The following CHL1 variants were observed in gnomAD, a reference collection of about 807,000 sequenced individuals.
CHL1 encodes the protein cell adhesion molecule L1 like.
In CHL1, 96 loss-of-function variants were observed where a neutral mutation model predicts 141.9. That is an observed-to-expected ratio of 0.68 (90% CI 0.57 to 0.80). The LOEUF (loss-of-function observed/expected upper bound fraction) is 0.80. Ranked by LOEUF, CHL1 falls within the 30% of genes least tolerant of loss-of-function variation. CHL1 has a pLI of 0.00. For synonymous variants in CHL1, 613 were observed against 502.2 expected (o/e 1.22, Z -2.95); for missense variants, 1,820 against 1,457.2 (o/e 1.25, Z -4.05).
chr3:308,966 C>G (rs1006945547), intron 2 of CHL1: 7 of 153,770 alleles, frequency 4.6e-5, no homozygotes, highest in African/African-American at 1.4e-4. Context: ...GCTGGGCCCC[C>G]TTCTTGTGGC....
rs149354869 is a variant in CHL1, at chr3:265,621, T to G, written c.-95+20929T>G. On this transcript the variant is annotated intron_variant, in intron 2 of 27. Coordinates refer to ENST00000256509, the MANE Select transcript of CHL1 (RefSeq NM_006614.4). ...AAGGGGTAGGACTGCACCTGAAATG[T>G]TACTAGAATTCTATTCAATGATCTG... Among the ~76,000 whole-genome samples, 46 of 152,298 alleles carry G rather than the reference T, an allele frequency of 3.0e-4. No homozygotes were observed. The East Asian group carries it at 8.9e-3, about 29-fold the overall frequency.
chr3:216,582 T>C (rs1034655872), intron 1 of CHL1, among the ~76,000 whole-genome samples: 3 of 152,224 alleles, frequency 2.0e-5, no homozygotes, highest in African/African-American at 7.2e-5. Flanking sequence ...TTGTGTGAGA[T>C]GTGGCTTTAC....
At chr3:217,650 A>G (rs1700443193) in intron 1 of CHL1, 1 of 152,552 alleles carries the variant, frequency 6.6e-6, no homozygotes, top group African/African-American at 2.4e-5. Context: ...GAATGGACAG[A>G]AGGCTAGAAC....
At chr3:342,169 G>A (rs999688517) in intron 7 of CHL1, 87 bp downstream of exon 7, 1 of 1,269,508 alleles carries the variant, frequency 7.9e-7, no homozygotes, top group Admixed American at 2.2e-5. Flanking sequence ...ATTTAAAGCT[G>A]GGTTGATATT....
At chr3:276,238 C>G (rs986498774) in intron 2 of CHL1, among the ~76,000 whole-genome samples, 1 of 151,904 alleles carries the variant, frequency 6.6e-6, no homozygotes, top group Non-Finnish European at 1.5e-5. Context: ...TATATTGCAC[C>G]ACCAATCATA....
At chr3:208,477 G>A (rs1246004140) in intron 1 of CHL1, among the ~76,000 whole-genome samples, 2 of 147,692 alleles carry the variant, frequency 1.4e-5, no homozygotes, top group Non-Finnish European at 2.9e-5. Context: ...TGATTGTCTC[G>A]GCAGAAAGCT....
chr3:328,396 T>G (rs779626786), intron 5 of CHL1, 42 bp downstream of exon 5: 12 of 1,515,836 alleles, frequency 7.9e-6, no homozygotes, highest in South Asian at 2.5e-5. Context: ...AGTGTTTTAG[T>G]GAAGTGTTAA....
intron 11 of CHL1, among the ~76,000 whole-genome samples, chr3:357,993 A>G (rs1365881834): frequency 6.6e-6 from 1 of 152,204 alleles, no homozygotes; most frequent in African/African-American, 2.4e-5. Flanking sequence ...AACTTGGAAG[A>G]GCTACTCATC....
intron 2 of CHL1, among the ~76,000 whole-genome samples, chr3:298,135 T>C (rs1441102421): frequency 6.6e-6 from 1 of 152,220 alleles, no homozygotes; most frequent in African/African-American, 2.4e-5. Context: ...AACATATGAA[T>C]GTGGGTATAT....
At chr3:391,575 A>G (rs1708229394) in intron 22 of CHL1, 100 bp from the exon 23 acceptor site, 3 of 761,056 alleles carry the variant, frequency 3.9e-6, no homozygotes, top group South Asian at 3.4e-5. Flanking sequence ...TTTACTTCAG[A>G]TGAGTTTGCT....
chr3:212,216 G>T (rs533542509), intron 1 of CHL1, among the ~76,000 whole-genome samples: 3 of 152,154 alleles, frequency 2.0e-5, no homozygotes, highest in South Asian at 4.2e-4. Context: ...AAAAAAACTT[G>T]TTGGGGGTTC....
rs935806802 is a variant in CHL1, at chr3:407,169, A to AT, written c.*1465dup. 1 of 152,092 alleles carries AT rather than the reference A, an allele frequency of 6.6e-6. No homozygotes were observed. The highest frequency in any genetic ancestry group is 2.4e-5 in the African/African-American group (1 of 41,442). 9.4% of individuals were successfully genotyped at this position (152,092 alleles called of 1,614,324 possible). ...TCAGCGCTCGACATTTTATGGAAAG[A>AT]TTTTTTTAACCTTACCACGAAATAC... On this transcript the variant is annotated 3_prime_UTR_variant, in exon 28 of 28. Coordinates refer to ENST00000256509, the MANE Select transcript of CHL1 (RefSeq NM_006614.4).
At chr3:292,420 T>C (rs1697773625) in intron 2 of CHL1, among the ~76,000 whole-genome samples, 1 of 152,186 alleles carries the variant, frequency 6.6e-6, no homozygotes, top group Admixed American at 6.5e-5. Flanking sequence ...TTTATAGTCA[T>C]TCAGTAAGTC....
At chr3:380,416 C>T (rs898637977) in intron 16 of CHL1, among the ~76,000 whole-genome samples, 3 of 152,188 alleles carry the variant, frequency 2.0e-5, no homozygotes, top group African/African-American at 4.8e-5. Flanking sequence ...TTCCTTTTCT[C>T]TTCTGCTAAA....
intron 2 of CHL1, among the ~76,000 whole-genome samples, chr3:248,917 T>A (rs1248629169): frequency 2.0e-5 from 3 of 152,156 alleles, no homozygotes; most frequent in Non-Finnish European, 2.9e-5. Flanking sequence ...ACTGCACATA[T>A]AAAATGTCCA....
At chr3:400,005 T>C (rs1190951415) in intron 26 of CHL1, among the ~76,000 whole-genome samples, 1 of 152,224 alleles carries the variant, frequency 6.6e-6, no homozygotes, top group Non-Finnish European at 1.5e-5. Context: ...ACGTTTGCCT[T>C]TAATTTCATT....
chr3:356,326 A>T (rs1575149822), intron 11 of CHL1, among the ~76,000 whole-genome samples: 1 of 152,384 alleles, frequency 6.6e-6, no homozygotes, highest in East Asian at 1.9e-4. Flanking sequence ...TACAAAAGAC[A>T]TTCACAAATT....
At chr3:337,123 A>G (rs1285490340) in intron 5 of CHL1, among the ~76,000 whole-genome samples, 2 of 151,946 alleles carry the variant, frequency 1.3e-5, no homozygotes, top group African/African-American at 4.8e-5. Context: ...TAGTGGCATT[A>G]GATAGAAAGG....
Position 394,613 on chromosome 3 carries a change from TA to T in CHL1, c.2915-78del, listed in dbSNP as rs954010986. On this transcript the variant is annotated intron_variant, in intron 23 of 27. Transcript: ENST00000256509. ...AATGTATCTTTACGTACCACAAGCATAAGGAGAAATGAAAATAATGAAGAAT... is the reference window on the plus strand; with the variant it reads ...AATGTATCTTTACGTACCACAAGCATAGGAGAAATGAAAATAATGAAGAAT... 4 of 1,007,864 alleles carry T rather than the reference TA, an allele frequency of 4.0e-6. No homozygotes were observed. In the African/African-American group the frequency reaches 6.5e-5, roughly 16 times the overall value. 62.4% of individuals were successfully genotyped at this position (1,007,864 alleles called of 1,614,324 possible).
Sources: gnomAD v4.1 joint callset for allele counts (sites outside exome capture counted in the v4.1 genomes callset) on GRCh38, gnomAD v4.1.1 for gene constraint, MANE v1.5 for transcripts, NCBI Gene and HGNC (gene_info 2026-07-23, HGNC 2026-07-21) for gene names.